Variants in SGSM1 observed in about 807,000 individuals in gnomAD.
The protein encoded by SGSM1 is RUN and TBC1 domain containing 2.
SGSM1 carries 73 observed loss-of-function variants against 133.8 expected under a neutral mutation model. The ratio of observed to expected loss-of-function variants is 0.55; its 90% CI spans 0.45 to 0.66. The LOEUF (loss-of-function observed/expected upper bound fraction) is 0.66. Ranked by LOEUF, SGSM1 falls within the 30% of genes least tolerant of loss-of-function variation. The probability of loss-of-function intolerance (pLI) is 0.00; values close to 1 mark genes in which losing one functional copy is unlikely to be tolerated. For missense variants in SGSM1, 1,213 were observed against 1,448.1 expected (o/e 0.84, Z 2.64); for synonymous variants, 563 against 573.0 (o/e 0.98, Z 0.25).
At chr22:24,873,265 G>A (rs1931855779) in intron 12 of SGSM1, among the ~76,000 whole-genome samples, 1 of 152,060 alleles carries the variant, frequency 6.6e-6, no homozygotes, top group Non-Finnish European at 1.5e-5. Context: ...CCAGCCTCTT[G>A]ATTGTGTTTC....
At chr22:24,896,397 G>A (rs1408690451) in intron 18 of SGSM1, among the ~76,000 whole-genome samples, 2 of 152,062 alleles carry the variant, frequency 1.3e-5, no homozygotes, top group African/African-American at 4.8e-5. Context: ...AATCAAGTTG[G>A]TGACATAACC....
At chr22:24,900,477 G>A (rs897142810) in intron 19 of SGSM1, among the ~76,000 whole-genome samples, 5 of 151,178 alleles carry the variant, frequency 3.3e-5, no homozygotes, top group African/African-American at 4.9e-5. Flanking sequence ...TCGACTCACC[G>A]CAACCTCCGC....
intron 20 of SGSM1, among the ~76,000 whole-genome samples, chr22:24,904,004 AG>A (rs1933269618): frequency 4.1e-5 from 4 of 96,706 alleles, no homozygotes; most frequent in East Asian, 4.6e-4. Flanking sequence ...AAAAGGAAAA[AG>A]AAAAAGAAAA....
chr22:24,895,168 C>A, intron 17 of SGSM1, 55 bp from the exon 18 acceptor site: 1 of 1,542,264 alleles, frequency 6.5e-7, no homozygotes. Flanking sequence ...GTCCTTCCTG[C>A]TCTGGGCCAG....
chr22:24,806,391 C>T, intron 1 of SGSM1, 47 bp downstream of exon 1: 2 of 1,511,776 alleles, frequency 1.3e-6, no homozygotes, highest in South Asian at 2.5e-5. Flanking sequence ...AGCGCCCGGC[C>T]CCCGCACCCT....
At chr22:24,912,845 G>T in intron 22 of SGSM1, 93 bp downstream of exon 22, 1 of 770,198 alleles carries the variant, frequency 1.3e-6, no homozygotes, top group South Asian at 1.8e-5. Context: ...GAGCCCACCT[G>T]GATTGGAATC....
At chr22:24,904,577 C>CA (rs36019944) in intron 20 of SGSM1, among the ~76,000 whole-genome samples, 11,816 of 115,080 alleles carry the variant, frequency 0.1, 1,569 homozygotes, top group African/African-American at 0.3. Context: ...GACTCCGTCT[C>CA]AAAAAAAAAA....
intron 16 of SGSM1, among the ~76,000 whole-genome samples, chr22:24,892,510 G>A (rs539509215): frequency 5.3e-5 from 8 of 152,110 alleles, no homozygotes; most frequent in South Asian, 4.1e-4. Context: ...GAAAGGAAGC[G>A]GGTTGGTTTT....
intron 2 of SGSM1, among the ~76,000 whole-genome samples, chr22:24,842,744 CGGTGATGGGA>C (rs1181660692): frequency 1.1e-4 from 17 of 152,286 alleles, no homozygotes; most frequent in African/African-American, 4.1e-4. Context: ...GCCAAAATAA[CGGTGATGGGA>C]GGCCAGGGAA....
intron 10 of SGSM1, among the ~76,000 whole-genome samples, chr22:24,868,023 G>A (rs975292995): frequency 2.0e-5 from 3 of 152,192 alleles, no homozygotes; most frequent in Non-Finnish European, 4.4e-5. Flanking sequence ...CGAGACAGGG[G>A]AAGTCTGAAG....
chr22:24,835,723 G>A (rs1171363166), intron 2 of SGSM1, among the ~76,000 whole-genome samples: 1 of 151,988 alleles, frequency 6.6e-6, no homozygotes, highest in Non-Finnish European at 1.5e-5. Context: ...TGGGCAAGCA[G>A]CAAGGAGGCC....
At chr22:24,844,012 T>A (rs1285179255) in intron 2 of SGSM1, 1 of 95,056 alleles carries the variant, frequency 1.1e-5, no homozygotes, top group East Asian at 3.5e-4. Flanking sequence ...CAGGGCAGGT[T>A]TTTTTACCCT....
chr22:24,884,342 C>T (rs1601953462), intron 15 of SGSM1, 144 bp downstream of exon 15: 1 of 1,090,844 alleles, frequency 9.2e-7, no homozygotes, highest in Non-Finnish European at 1.3e-6. Context: ...TTCCCCTTCT[C>T]CTTGAGAGTT....
intron 16 of SGSM1, among the ~76,000 whole-genome samples, chr22:24,887,024 G>T (rs554933580): frequency 6.6e-6 from 1 of 151,852 alleles, no homozygotes; most frequent in African/African-American, 2.4e-5. Context: ...AAACTGTAAG[G>T]TAGTAAAATA....
intron 2 of SGSM1, among the ~76,000 whole-genome samples, chr22:24,837,152 C>A (rs917174118): frequency 1.3e-5 from 2 of 152,152 alleles, no homozygotes; most frequent in Non-Finnish European, 2.9e-5. Flanking sequence ...CCGGTAGTGG[C>A]CCCAAATGTC....
At chr22:24,816,227 T>C (rs1928065749) in intron 2 of SGSM1, among the ~76,000 whole-genome samples, 1 of 152,098 alleles carries the variant, frequency 6.6e-6, no homozygotes, top group Non-Finnish European at 1.5e-5. Context: ...ACAAGGAAAT[T>C]CATGCTCAGA....
Position 24,900,554 on chromosome 22 carries a change from C to T in SGSM1, c.2611-1279C>T, listed in dbSNP as rs9624650. Reference sequence around the variant, plus strand: ...AGCTGGGATTACAAGCACGCACCCACGCCCGGCTGATTTTGTATTTTTAGT... The same window carrying T: ...AGCTGGGATTACAAGCACGCACCCATGCCCGGCTGATTTTGTATTTTTAGT... On this transcript the variant is annotated intron_variant, in intron 19 of 24. Transcript: ENST00000400358. 6.1e-3 allele frequency among the ~76,000 whole-genome samples: 923 copies of T among 152,092 alleles called. 5 individuals are homozygous for T. Among genetic ancestry groups the T allele is most frequent in the African/African-American group, 0.021 (859 of 41,442 alleles).
intron 24 of SGSM1, among the ~76,000 whole-genome samples, chr22:24,921,314 A>G (rs1266984876): frequency 6.6e-6 from 1 of 152,114 alleles, no homozygotes; most frequent in African/African-American, 2.4e-5. Flanking sequence ...TGGCCAGGCT[A>G]GTCTAGAACT....
intron 20 of SGSM1, among the ~76,000 whole-genome samples, chr22:24,904,395 A>G (rs113598529): frequency 0.015 from 2,269 of 152,162 alleles, 62 homozygotes; most frequent in African/African-American, 0.052. Flanking sequence ...CCTGGCTAAC[A>G]TGGTGAAATC....
Sources: gnomAD v4.1 joint callset for allele counts (sites outside exome capture counted in the v4.1 genomes callset) on GRCh38, gnomAD v4.1.1 for gene constraint, MANE v1.5 for transcripts, NCBI Gene and HGNC (gene_info 2026-07-23, HGNC 2026-07-21) for gene names.